The following TNKS variants were observed in gnomAD, a reference collection of about 807,000 sequenced individuals.
TNKS encodes the protein poly [ADP-ribose] polymerase tankyrase-1.
TNKS carries 72 observed loss-of-function variants against 135.8 expected under a neutral mutation model. The ratio of observed to expected loss-of-function variants is 0.53; its 90% CI spans 0.44 to 0.64. TNKS has a LOEUF of 0.64. Ranked by LOEUF, TNKS falls within the 30% of genes least tolerant of loss-of-function variation. The probability of loss-of-function intolerance (pLI) is 0.00; values close to 1 mark genes in which losing one functional copy is unlikely to be tolerated. For synonymous variants in TNKS, 849 were observed against 649.3 expected, an observed-to-expected ratio of 1.31 and a Z score of -4.68; for missense variants, 1,769 against 1,674.0, an observed-to-expected ratio of 1.06 and a Z score of -0.99.
At chr8:9,755,617 A>C (rs879554302) in intron 20 of TNKS, among the ~76,000 whole-genome samples, 1 of 152,220 alleles carries the variant, frequency 6.6e-6, no homozygotes, top group African/African-American at 2.4e-5. Flanking sequence ...TTAACATTCT[A>C]TATCAGTAAT....
intron 3 of TNKS, among the ~76,000 whole-genome samples, chr8:9,618,500 T>A (rs1444715705): frequency 6.6e-6 from 1 of 152,230 alleles, no homozygotes. Context: ...GAGGGCTTTC[T>A]TTTGTTTTTC....
At chr8:9,722,105 A>G (rs1404757267) in intron 12 of TNKS, among the ~76,000 whole-genome samples, 4 of 151,960 alleles carry the variant, frequency 2.6e-5, no homozygotes, top group African/African-American at 4.8e-5. Context: ...ACTATAATAT[A>G]AAGGGAAAAT....
intron 3 of TNKS, among the ~76,000 whole-genome samples, 164 bp downstream of exon 3, chr8:9,615,841 G>C (rs1036061695): frequency 2.0e-5 from 3 of 152,086 alleles, no homozygotes; most frequent in Non-Finnish European, 4.4e-5. Context: ...CTCATTAATT[G>C]CTATGCTGTC....
intron 1 of TNKS, among the ~76,000 whole-genome samples, chr8:9,574,480 C>T (rs1186107041): frequency 6.6e-6 from 1 of 152,172 alleles, no homozygotes; most frequent in East Asian, 1.9e-4. Flanking sequence ...CTTGACTAGT[C>T]CCTCTGATTT....
At chr8:9,717,101 A>ATATATATATATAT (rs1454492300) in intron 11 of TNKS, among the ~76,000 whole-genome samples, 1 of 119,334 alleles carries the variant, frequency 8.4e-6, no homozygotes, top group Admixed American at 8.6e-5. Context: ...ATATATATAT[A>ATATATATATATAT]TTTTCAGGGA....
chr8:9,730,773 A>T, intron 13 of TNKS, 117 bp from the exon 14 acceptor site: 2 of 1,179,584 alleles, frequency 1.7e-6, no homozygotes, highest in South Asian at 1.6e-5. Context: ...TTGGAAATAA[A>T]TATTCATTAG....
chr8:9,736,101 AATAAT>A (rs1026273209), intron 17 of TNKS, among the ~76,000 whole-genome samples: 9 of 149,564 alleles, frequency 6.0e-5, no homozygotes, highest in African/African-American at 2.2e-4. Context: ...TATAATGTAA[AATAAT>A]ATAATAAATA....
In TNKS at chr8:9,763,256, C is replaced by G. The variant is rs1255636235; in HGVS notation, c.3372+12C>G. On this transcript the variant is annotated intron_variant, in intron 22 of 26. Transcript: ENST00000310430. ...CAGTGGAAGAAGAGGTAATATACAT[C>G]AGAAATCTTTCATTTGCTTTTCTTG... 1 of 1,521,266 alleles carries G rather than the reference C, an allele frequency of 6.6e-7. No homozygotes were observed. Among genetic ancestry groups the G allele is most frequent in the Non-Finnish European group, 9.0e-7 (1 of 1,112,386 alleles). The allele number at this position is 1,521,266 out of a possible 1,614,324, so 94.2% of individuals were successfully genotyped here. A position where few individuals can be genotyped will look rare whatever the true frequency, so the allele number is the denominator to read the frequency against.
At position 9,746,881 on chromosome 8, in the gene TNKS, C is replaced by CTTTTTTTTTTTTTTTTTTTTT. The variant is rs10672387; in HGVS notation, c.2644-1124_2644-1123insTTTTTTTTTTTTTTTTTTTTT. On this transcript the variant is annotated intron_variant, in intron 17 of 26. Coordinates refer to ENST00000310430, the MANE Select transcript of TNKS (RefSeq NM_003747.3). ...TCTGAGAGTTTCATACCTACTTAAACTTTTTTTTTTTTTTTTTTTGAGACG... is the reference window on the plus strand; with the variant it reads ...TCTGAGAGTTTCATACCTACTTAAACTTTTTTTTTTTTTTTTTTTTTTTTTTTTTTTTTTTTTTTTGAGACG... Among the ~76,000 whole-genome samples the CTTTTTTTTTTTTTTTTTTTTT allele has an allele frequency of 4.0e-4, 47 of 117,180 alleles. 4 individuals carry two copies. The highest frequency in any genetic ancestry group is 1.6e-3 in the African/African-American group (43 of 27,530). 76.9% of individuals were successfully genotyped at this position (117,180 alleles called of 152,430 possible).
At position 9,735,501 on chromosome 8, in the gene TNKS, A is replaced by G; in HGVS notation, c.2643+15A>G. 1 of 1,606,088 alleles carries G rather than the reference A, an allele frequency of 6.2e-7. No homozygotes were observed. Among genetic ancestry groups the G allele is most frequent in the Non-Finnish European group, 8.5e-7 (1 of 1,172,762 alleles). ...CATCTTATGGGGTAAGCATACTAAC[A>G]TTAAAATCTAGAAAACTGACCGCAC... On this transcript the variant is annotated intron_variant, in intron 17 of 26. Transcript: ENST00000310430.
intron 3 of TNKS, among the ~76,000 whole-genome samples, chr8:9,640,669 G>C (rs1050283337): frequency 1.4e-5 from 2 of 145,880 alleles, no homozygotes; most frequent in African/African-American, 5.1e-5. Context: ...AATTCCTTTT[G>C]AGAAAGAAAA....
intron 3 of TNKS, among the ~76,000 whole-genome samples, chr8:9,635,722 A>G (rs1800484553): frequency 6.6e-6 from 1 of 152,204 alleles, no homozygotes. Context: ...TATTCTGGCT[A>G]GGGAGGCATG....
chr8:9,752,957 C>G (rs1379935924), intron 20 of TNKS, among the ~76,000 whole-genome samples: 1 of 150,014 alleles, frequency 6.7e-6, no homozygotes, highest in East Asian at 1.9e-4. Flanking sequence ...AAAACAAAAC[C>G]CTATCTCGAA....
chr8:9,597,141 A>G (rs550261705), intron 2 of TNKS, among the ~76,000 whole-genome samples: 9 of 152,354 alleles, frequency 5.9e-5, no homozygotes, highest in Middle Eastern at 3.4e-3. Flanking sequence ...ATGAATTGCA[A>G]TGTATCACAT....
intron 3 of TNKS, among the ~76,000 whole-genome samples, chr8:9,644,486 T>C (rs756185486): frequency 2.0e-5 from 3 of 152,194 alleles, no homozygotes; most frequent in Non-Finnish European, 4.4e-5. Context: ...TGGTCAAATA[T>C]CTGAAAGAGA....
chr8:9,576,049 C>T (rs2129052526), intron 1 of TNKS, among the ~76,000 whole-genome samples: 2 of 152,248 alleles, frequency 1.3e-5, no homozygotes, highest in Admixed American at 1.3e-4. Context: ...AAGAGAGAAA[C>T]ATATTTCCAG....
chr8:9,616,980 G>A (rs1398884950), intron 3 of TNKS, among the ~76,000 whole-genome samples: 3 of 152,074 alleles, frequency 2.0e-5, no homozygotes, highest in Admixed American at 6.5e-5. Flanking sequence ...CATAGTAACA[G>A]GGGTAGGTTA....
In TNKS at chr8:9,728,817, CTG is replaced by C. The variant is rs1008690799; in HGVS notation, c.2002-2070_2002-2069del. Among the ~76,000 whole-genome samples the C allele has an allele frequency of 1.3e-3, 192 of 152,220 alleles. 1 individual carries two copies. The highest frequency in any genetic ancestry group is 4.4e-3 in the African/African-American group (182 of 41,544). ...GCATTTCCGTATAGAGTTGATGAAA[CTG>C]TGAACTCGCCTTTACTGCCCAGACT... is the stretch of plus-strand genomic sequence containing the variant. On this transcript the variant is annotated intron_variant, in intron 13 of 26. Coordinates refer to ENST00000310430, the MANE Select transcript of TNKS (RefSeq NM_003747.3).
At chr8:9,764,637 A>T in intron 22 of TNKS, 79 bp from the exon 23 acceptor site, 1 of 1,040,558 alleles carries the variant, frequency 9.6e-7, no homozygotes, top group Non-Finnish European at 1.4e-6. Flanking sequence ...TTTATTTATT[A>T]ATACTGAATT....
Sources: allele counts gnomAD v4.1 joint callset (sites outside exome capture counted in the v4.1 genomes callset), GRCh38; gene constraint gnomAD v4.1.1; transcripts MANE v1.5; gene names NCBI Gene and HGNC (gene_info 2026-07-23, HGNC 2026-07-21).